The following CORO2B variants were observed in gnomAD, a reference collection of about 807,000 sequenced individuals.
CORO2B encodes the protein coronin-2B.
In CORO2B, 26 loss-of-function variants were observed where a neutral mutation model predicts 58.8. The observed-to-expected ratio is 0.44, with a 90% CI of 0.32 to 0.61. The LOEUF (loss-of-function observed/expected upper bound fraction) is 0.61, where lower values mean the gene tolerates loss of function less well. Ranked by LOEUF, CORO2B falls within the 20% of genes least tolerant of loss-of-function variation. The pLI is 0.04. For missense variants in CORO2B, 460 were observed against 645.1 expected (o/e 0.71, Z 3.11); for synonymous variants, 242 against 253.8 (o/e 0.95, Z 0.44).
chr15:68,559,519 G>C, the CORO2B span: 1 of 851,688 alleles, frequency 1.2e-6, no homozygotes. The surrounding 1 kb of genome is among the most constrained non-coding windows in gnomAD (Gnocchi z 4.3). Context: ...GGTGGTGAGG[G>C]GGTAGCGGGG....
At chr15:68,546,050 C>T in the CORO2B span, among the ~76,000 whole-genome samples, 1 of 152,276 alleles carries the variant, frequency 6.6e-6, no homozygotes, top group East Asian at 1.9e-4. Flanking sequence ...GGGCAGAAAA[C>T]CAACAGTGAG....
chr15:68,528,712 G>A, the CORO2B span, among the ~76,000 whole-genome samples: 1 of 142,770 alleles, frequency 7.0e-6, no homozygotes, highest in African/African-American at 2.6e-5. Flanking sequence ...TTTTGAATTG[G>A]TATTTCTTTC....
At chr15:68,684,980 T>A (rs1902913871) in intron 2 of CORO2B, among the ~76,000 whole-genome samples, 2 of 152,176 alleles carry the variant, frequency 1.3e-5, no homozygotes, top group South Asian at 4.1e-4. Flanking sequence ...TGGTCTGGAA[T>A]GCATGGGGCA....
intron 3 of CORO2B, among the ~76,000 whole-genome samples, chr15:68,704,039 TACACAC>T (rs10566834): frequency 0.082 from 10,447 of 127,796 alleles, 493 homozygotes; most frequent in East Asian, 0.15. Flanking sequence ...TACACACACA[TACACAC>T]ACACACACAC....
chr15:68,671,076 G>A (rs1902377083), intron 2 of CORO2B, among the ~76,000 whole-genome samples: 1 of 152,124 alleles, frequency 6.6e-6, no homozygotes, highest in African/African-American at 2.4e-5. Context: ...ATTGCATAAG[G>A]TATTGTAGTA....
intron 3 of CORO2B, among the ~76,000 whole-genome samples, chr15:68,703,397 C>T (rs796982216): frequency 2.6e-5 from 4 of 152,062 alleles, no homozygotes; most frequent in East Asian, 1.9e-4. Context: ...GTGAACTGCC[C>T]GCCTGGGCCT....
intron 1 of CORO2B, among the ~76,000 whole-genome samples, chr15:68,590,900 G>T (rs1000768820): frequency 2.0e-5 from 3 of 152,128 alleles, no homozygotes; most frequent in African/African-American, 7.2e-5. Context: ...TGGCTGCCCT[G>T]TTCTCCTATG....
chr15:68,671,525 C>G (rs924010370), intron 2 of CORO2B, among the ~76,000 whole-genome samples: 2 of 152,220 alleles, frequency 1.3e-5, no homozygotes, highest in African/African-American at 4.8e-5. Context: ...CAAATTACCC[C>G]AAAATGTGGC....
intron 1 of CORO2B, among the ~76,000 whole-genome samples, chr15:68,632,584 A>AT (rs1017005437): frequency 2.0e-5 from 3 of 152,002 alleles, no homozygotes; most frequent in African/African-American, 7.2e-5. Context: ...TCATTTGTTT[A>AT]TTTTTTAATT....
chr15:68,647,073 A>G (rs866952558), intron 2 of CORO2B, among the ~76,000 whole-genome samples: 24 of 152,312 alleles, frequency 1.6e-4, no homozygotes, highest in Non-Finnish European at 2.2e-4. Context: ...GCAATACCTC[A>G]CATCATGACA....
At chr15:68,723,030 G>T (rs545187891) in intron 11 of CORO2B, among the ~76,000 whole-genome samples, 6 of 151,418 alleles carry the variant, frequency 4.0e-5, no homozygotes, top group African/African-American at 1.5e-4. Flanking sequence ...TTGCACCATT[G>T]CACTCCAGCC....
the CORO2B span, among the ~76,000 whole-genome samples, chr15:68,528,100 C>T: frequency 6.6e-6 from 1 of 152,214 alleles, no homozygotes; most frequent in East Asian, 1.9e-4. Flanking sequence ...CAGTTTATTT[C>T]TTCCTTTCCA....
chr15:68,536,480 A>G, the CORO2B span, among the ~76,000 whole-genome samples: 3 of 152,248 alleles, frequency 2.0e-5, no homozygotes, highest in Non-Finnish European at 4.4e-5. Flanking sequence ...TCCCTGGTCT[A>G]TAATAGCACA....
At chr15:68,718,832 T>C in intron 9 of CORO2B, 22 bp downstream of exon 9, 3 of 1,583,668 alleles carry the variant, frequency 1.9e-6, no homozygotes, top group Non-Finnish European at 2.6e-6. Context: ...TGGGCTGGGC[T>C]CCAGGAGGGG....
chr15:68,524,802 TA>T, the CORO2B span, among the ~76,000 whole-genome samples: 4 of 152,188 alleles, frequency 2.6e-5, no homozygotes, highest in African/African-American at 9.7e-5. Flanking sequence ...CGGGACTCAC[TA>T]AAGGTCTAAA....
At position 68,658,013 on chromosome 15, in the gene CORO2B, G is replaced by A. The variant is rs867538365; in HGVS notation, c.216+12653G>A. 5.9e-5 allele frequency among the ~76,000 whole-genome samples: 9 copies of A among 152,332 alleles called. 1 individual carries two copies. The highest frequency in any genetic ancestry group is 5.9e-4 in the Admixed American group (9 of 15,302). ...ACCTGAGCACCCTTCACTCCTGTGG[G>A]GCTCCCCAAACTCCTAAGCTTCACT... is the stretch of plus-strand genomic sequence containing the variant. On this transcript the variant is annotated intron_variant, in intron 2 of 11. Transcript: ENST00000261861.
At chr15:68,578,684 G>A (rs367548404), upstream of CORO2B, among the ~76,000 whole-genome samples, 7 of 152,228 alleles carry the variant, frequency 4.6e-5, no homozygotes, top group East Asian at 7.8e-4. This position sits in a 1 kb window ranked among gnomAD's most constrained non-coding sequence, Gnocchi z 4.2. Context: ...CAGCGTCCCC[G>A]GGCCAGCGGG....
chr15:68,579,954 A>G (rs1899386032), intron 1 of CORO2B, among the ~76,000 whole-genome samples: 1 of 152,148 alleles, frequency 6.6e-6, no homozygotes. Context: ...TATTGGAGAG[A>G]CTTCAGGGGC....
intron 2 of CORO2B, among the ~76,000 whole-genome samples, chr15:68,652,618 T>TG (rs1483588031): frequency 6.6e-6 from 1 of 152,228 alleles, no homozygotes; most frequent in Non-Finnish European, 1.5e-5. Flanking sequence ...ACCGGGTCTC[T>TG]GGGGCTGGGA....
Sources: gnomAD v4.1 joint callset for allele counts (sites outside exome capture counted in the v4.1 genomes callset) on GRCh38, gnomAD v4.1.1 for gene constraint, Gnocchi (gnomAD v3.1) non-coding constraint, MANE v1.5 for transcripts, NCBI Gene and HGNC (gene_info 2026-07-23, HGNC 2026-07-21) for gene names.